The following SPATA21 variants were observed in gnomAD, a reference collection of about 807,000 sequenced individuals.
The protein encoded by SPATA21 is spermatogenesis-associated protein 21.
In SPATA21, 47 loss-of-function variants were observed where a neutral mutation model predicts 54.8. The ratio of observed to expected loss-of-function variants is 0.86; its 90% CI spans 0.68 to 1.09. The LOEUF is 1.09. Ranked by LOEUF, SPATA21 falls within the 50% of genes least tolerant of loss-of-function variation. SPATA21 has a pLI of 0.00. For missense variants in SPATA21, 599 were observed against 596.4 expected (o/e 1.00, Z -0.05); for synonymous variants, 245 against 235.3 (o/e 1.04, Z -0.38).
chr1:16,433,330 T>C (rs1265890685), intron 1 of SPATA21, among the ~76,000 whole-genome samples: 1 of 152,202 alleles, frequency 6.6e-6, no homozygotes, highest in African/African-American at 2.4e-5. Context: ...TGGGGTGACC[T>C]CCCACCCCTG....
intron 2 of SPATA21, among the ~76,000 whole-genome samples, chr1:16,432,282 C>T (rs977223119): frequency 6.6e-5 from 10 of 151,818 alleles, no homozygotes; most frequent in African/African-American, 1.7e-4. Flanking sequence ...CCACCATGCC[C>T]GGCTAATTTT....
chr1:16,432,365 G>A (rs1456293320), intron 2 of SPATA21, among the ~76,000 whole-genome samples: 7 of 151,824 alleles, frequency 4.6e-5, no homozygotes, highest in African/African-American at 7.3e-5. Context: ...CAAGTGATCC[G>A]CCCGCCTCGG....
chr1:16,398,496 G>T (rs542879322), downstream of SPATA21: 1 of 469,862 alleles, frequency 2.1e-6, no homozygotes, highest in Non-Finnish European at 3.9e-6. Flanking sequence ...CTTTGAGAAG[G>T]CACAGAAGGT....
chr1:16,435,683 G>A (rs1277017011), intron 1 of SPATA21, among the ~76,000 whole-genome samples: 1 of 150,498 alleles, frequency 6.6e-6, no homozygotes, highest in African/African-American at 2.4e-5. Flanking sequence ...TGGCATGAAC[G>A]TGGCTCACTA....
chr1:16,419,745 G>C (rs1242897536), intron 5 of SPATA21, among the ~76,000 whole-genome samples: 2 of 152,138 alleles, frequency 1.3e-5, no homozygotes, highest in Non-Finnish European at 2.9e-5. Context: ...TTCGAGAGCA[G>C]CCTGACCAAT....
intron 3 of SPATA21, among the ~76,000 whole-genome samples, chr1:16,430,026 G>C (rs2086418542): frequency 7.0e-6 from 1 of 142,602 alleles, no homozygotes; most frequent in South Asian, 2.2e-4. Context: ...AAATTAGACG[G>C]AAATCATTTG....
intron 5 of SPATA21, among the ~76,000 whole-genome samples, chr1:16,415,509 C>G (rs553849076): frequency 4.6e-5 from 7 of 152,320 alleles, no homozygotes; most frequent in South Asian, 4.1e-4. Context: ...GATACAGACT[C>G]TGAGCCCCAA....
rs753593345 is a variant in SPATA21 at position 16,403,829 on chromosome 1, G to A, written c.899C>T (p.Ser300Leu). The change falls in exon 10 of 13, where the codon TCG becomes TTG. Residue 300 changes from serine (S) to leucine (L), a missense_variant. Physicochemically the swap from Ser to Leu is moderately radical, Grantham distance 145. Transcript: ENST00000335496. ...GTGGGGGTTGTGGGGAGCCATGTCC[G>A]ACAGGGCGTTCTGTTCTGGAGACAT... ...FFCSVEQNALSDMAPHNPHTL... is the reference protein window; with the variant it reads ...FFCSVEQNALLDMAPHNPHTL... 11 of 1,609,956 alleles carry A rather than the reference G, an allele frequency of 6.8e-6. No homozygotes were observed. The highest frequency in any genetic ancestry group is 3.3e-5 in the South Asian group (3 of 90,412).
At position 16,427,962 on chromosome 1, in the gene SPATA21, A is replaced by T. The variant is rs865797173; in HGVS notation, c.34+3376T>A. On this transcript the variant is annotated intron_variant, in intron 3 of 12. Coordinates refer to ENST00000335496, the MANE Select transcript of SPATA21 (RefSeq NM_198546.1). Reference sequence around the variant, plus strand: ...TGGGCCCCTTCTCTGGCCCTCGTGAAGCTGATGAGAGGTGCTTCTTGCTGC... The same window carrying T: ...TGGGCCCCTTCTCTGGCCCTCGTGATGCTGATGAGAGGTGCTTCTTGCTGC... The T allele has an allele frequency of 1.0e-5, 16 of 1,550,074 alleles. No homozygotes were observed. The Middle Eastern group carries it at 1.7e-3, about 161-fold the overall frequency.
At chr1:16,413,378 A>G (rs1345225221) in intron 5 of SPATA21, among the ~76,000 whole-genome samples, 1 of 152,242 alleles carries the variant, frequency 6.6e-6, no homozygotes, top group African/African-American at 2.4e-5. Flanking sequence ...ATAATAGTCT[A>G]TTGTACGTAC....
intron 5 of SPATA21, among the ~76,000 whole-genome samples, chr1:16,411,069 C>A (rs1400757555): frequency 6.6e-6 from 1 of 152,216 alleles, no homozygotes; most frequent in Non-Finnish European, 1.5e-5. Context: ...TCTTGCCAGG[C>A]CAGGCTTTTC....
At chr1:16,436,911 G>T (rs2100924821) in intron 1 of SPATA21, among the ~76,000 whole-genome samples, 1 of 152,242 alleles carries the variant, frequency 6.6e-6, no homozygotes, top group South Asian at 2.1e-4. Flanking sequence ...CAGGAAGTGT[G>T]AGTCCTCCAA....
rs199630533 is a variant in SPATA21 at position 16,399,402 on chromosome 1, G to A, written c.1294C>T (p.Pro432Ser). The A allele has an allele frequency of 2.5e-6, 4 of 1,613,926 alleles. No homozygotes were observed. The highest frequency in any genetic ancestry group is 2.7e-5 in the African/African-American group (2 of 74,906). ...CTGCGGATGTCAGGATCCAGGCCAG[G>A]GGGTGTGCACTGGTCTAGTGCATAG... ...NHYALDQCTPPGLDPDIRSPF... is the reference protein window; with the variant it reads ...NHYALDQCTPSGLDPDIRSPF... The change falls in exon 12 of 13, where the codon CCT becomes TCT. Residue 432 changes from proline (P) to serine (S), a missense_variant. Physicochemically the swap from Pro to Ser is moderately conservative, Grantham distance 74. Coordinates refer to ENST00000335496, the MANE Select transcript of SPATA21 (RefSeq NM_198546.1).
chr1:16,415,991 C>G (rs899359293), intron 5 of SPATA21, among the ~76,000 whole-genome samples: 1 of 152,172 alleles, frequency 6.6e-6, no homozygotes, highest in East Asian at 1.9e-4. Flanking sequence ...ACCTGGATTC[C>G]TCCTTCTGCC....
chr1:16,422,174 G>A (rs2086191981), intron 3 of SPATA21: 4 of 1,441,870 alleles, frequency 2.8e-6, no homozygotes, highest in Non-Finnish European at 3.6e-6. Context: ...GGTGACTGGG[G>A]GTGGATTGAT....
chr1:16,436,800 C>T (rs1277109565), intron 1 of SPATA21, among the ~76,000 whole-genome samples: 1 of 150,640 alleles, frequency 6.6e-6, no homozygotes, highest in Non-Finnish European at 1.5e-5. Flanking sequence ...AAAAAAAACA[C>T]CAAAAAACAA....
intron 10 of SPATA21, among the ~76,000 whole-genome samples, chr1:16,401,513 C>T (rs1487095567): frequency 1.3e-5 from 2 of 152,124 alleles, no homozygotes; most frequent in African/African-American, 2.4e-5. Flanking sequence ...CCAGGCTGGT[C>T]ACAAACTCCT....
At chr1:16,425,996 C>A (rs1280622302) in intron 3 of SPATA21, among the ~76,000 whole-genome samples, 2 of 151,694 alleles carry the variant, frequency 1.3e-5, no homozygotes, top group Admixed American at 6.6e-5. Flanking sequence ...CAATCTTCGA[C>A]CTCGGCCTCC....
At chr1:16,419,504 T>C (rs2086109526) in intron 5 of SPATA21, among the ~76,000 whole-genome samples, 1 of 152,136 alleles carries the variant, frequency 6.6e-6, no homozygotes, top group African/African-American at 2.4e-5. Flanking sequence ...GATTTTGAGC[T>C]GGGTTGCATG....
Sources: allele counts gnomAD v4.1 joint callset (sites outside exome capture counted in the v4.1 genomes callset), GRCh38; gene constraint gnomAD v4.1.1; transcripts MANE v1.5; gene names NCBI Gene and HGNC (gene_info 2026-07-23, HGNC 2026-07-21).